The following THSD4 variants were observed in gnomAD, a reference collection of about 807,000 sequenced individuals.
THSD4 encodes thrombospondin type 1 domain containing 4, also known as thrombospondin type-1 domain-containing protein 4.
In THSD4, 69 loss-of-function variants were observed where a neutral mutation model predicts 119.0. The observed-to-expected ratio is 0.58, with a 90% CI of 0.48 to 0.71. The LOEUF is 0.71. Ranked by LOEUF, THSD4 falls within the 30% of genes least tolerant of loss-of-function variation. The pLI is 0.00. For missense variants in THSD4, 1,393 were observed against 1,391.1 expected (o/e 1.00, Z -0.02); for synonymous variants, 524 against 540.4 (o/e 0.97, Z 0.42).
chr15:71,577,720 T>TTTATG (rs2049478799), intron 7 of THSD4, among the ~76,000 whole-genome samples: 1 of 143,612 alleles, frequency 7.0e-6, no homozygotes, highest in Non-Finnish European at 1.5e-5. Flanking sequence ...TTTATTTTAT[T>TTTATG]TTATTTTATT....
chr15:71,575,466 G>C (rs926322966), intron 7 of THSD4, among the ~76,000 whole-genome samples: 2 of 152,140 alleles, frequency 1.3e-5, no homozygotes, highest in Admixed American at 1.3e-4. Flanking sequence ...AATACAGTAG[G>C]TGATAAATAA....
chr15:71,273,622 G>T (rs773104424), intron 6 of THSD4, among the ~76,000 whole-genome samples: 1 of 152,066 alleles, frequency 6.6e-6, no homozygotes, highest in Non-Finnish European at 1.5e-5. Flanking sequence ...ATGTATACAC[G>T]TATTGAAACC....
intron 7 of THSD4, among the ~76,000 whole-genome samples, chr15:71,485,589 T>G (rs1007225537): frequency 5.9e-5 from 9 of 151,966 alleles, no homozygotes; most frequent in Non-Finnish European, 1.3e-4. Flanking sequence ...GAAGGAGGCC[T>G]AAGGAAAATG....
chr15:71,692,924 T>C (rs2052084752), intron 8 of THSD4, among the ~76,000 whole-genome samples: 1 of 152,158 alleles, frequency 6.6e-6, no homozygotes, highest in Non-Finnish European at 1.5e-5. Context: ...TACAATTCCA[T>C]AAAACTTCCA....
At chr15:71,663,560 C>T (rs1235788869) in intron 8 of THSD4, among the ~76,000 whole-genome samples, 2 of 152,176 alleles carry the variant, frequency 1.3e-5, no homozygotes, top group Non-Finnish European at 2.9e-5. Flanking sequence ...TTGAAGTGTA[C>T]GTTGGTTACG....
intron 6 of THSD4, among the ~76,000 whole-genome samples, chr15:71,316,955 C>A (rs1232924745): frequency 6.6e-6 from 1 of 152,146 alleles, no homozygotes; most frequent in Non-Finnish European, 1.5e-5. Flanking sequence ...ATGGGAACTG[C>A]CTTTCAAGGT....
chr15:71,683,750 G>A (rs1392881444), intron 8 of THSD4, among the ~76,000 whole-genome samples: 3 of 152,158 alleles, frequency 2.0e-5, no homozygotes, highest in Non-Finnish European at 2.9e-5. Context: ...CGAGCCGAAC[G>A]GCCTACTTGA....
At chr15:71,290,234 T>C (rs2044772372) in intron 6 of THSD4, among the ~76,000 whole-genome samples, 2 of 152,176 alleles carry the variant, frequency 1.3e-5, no homozygotes, top group African/African-American at 4.8e-5. Flanking sequence ...GCACAGCAGG[T>C]CCTCTGTTCC....
At chr15:71,477,225 T>C (rs1166575908) in intron 7 of THSD4, among the ~76,000 whole-genome samples, 1 of 152,166 alleles carries the variant, frequency 6.6e-6, no homozygotes, top group African/African-American at 2.4e-5. Flanking sequence ...TGTGTGAGGG[T>C]GTGACGCCAC....
At position 71,730,186 on chromosome 15, in the gene THSD4, A is replaced by G. The variant is rs2052948051; in HGVS notation, c.1534-935A>G. On this transcript the variant is annotated intron_variant, in intron 9 of 17. Transcript: ENST00000261862. ...CTCTTCCTTCCCCAAGGAAGAAATCAAAAACTGCAGGGTGAAGGGGCTTGC... is the reference window on the plus strand; with the variant it reads ...CTCTTCCTTCCCCAAGGAAGAAATCGAAAACTGCAGGGTGAAGGGGCTTGC... 2.0e-5 allele frequency: 3 copies of G among 152,244 alleles called. No individual in the cohort carries two copies. In the South Asian group the frequency reaches 6.2e-4, roughly 32 times the overall value. 9.4% of individuals were successfully genotyped at this position (152,244 alleles called of 1,614,324 possible).
intron 6 of THSD4, among the ~76,000 whole-genome samples, chr15:71,271,281 T>C (rs1252720851): frequency 6.6e-6 from 1 of 152,196 alleles, no homozygotes; most frequent in Non-Finnish European, 1.5e-5. Flanking sequence ...AATGGAGTAT[T>C]ACTCAAAGTA....
At chr15:71,265,837 G>T (rs553266550) in intron 6 of THSD4, among the ~76,000 whole-genome samples, 2 of 152,128 alleles carry the variant, frequency 1.3e-5, no homozygotes, top group African/African-American at 2.4e-5. Flanking sequence ...AAACAAAGCC[G>T]CCAGGAAGTT....
At chr15:71,523,259 A>G (rs897180687) in intron 7 of THSD4, among the ~76,000 whole-genome samples, 1 of 152,090 alleles carries the variant, frequency 6.6e-6, no homozygotes, top group Non-Finnish European at 1.5e-5. Flanking sequence ...TCCAAGGGAG[A>G]CTCAATCCTG....
intron 3 of THSD4, among the ~76,000 whole-genome samples, chr15:71,201,456 C>T (rs549606514): frequency 6.6e-6 from 1 of 152,356 alleles, no homozygotes. Context: ...AAAGTTACCT[C>T]CCATCTCTCC....
chr15:71,368,121 T>G (rs1464092899), intron 6 of THSD4, among the ~76,000 whole-genome samples: 1 of 152,222 alleles, frequency 6.6e-6, no homozygotes, highest in Non-Finnish European at 1.5e-5. Context: ...GCCCACTTTT[T>G]GATGGGGTTG....
At chr15:71,501,559 A>G (rs910578372) in intron 7 of THSD4, among the ~76,000 whole-genome samples, 1 of 152,198 alleles carries the variant, frequency 6.6e-6, no homozygotes, top group African/African-American at 2.4e-5. Context: ...GGTAATGCCA[A>G]GGTCATTTGG....
At chr15:71,658,970 G>C (rs1407196343) in intron 7 of THSD4, among the ~76,000 whole-genome samples, 1 of 152,240 alleles carries the variant, frequency 6.6e-6, no homozygotes, top group Non-Finnish European at 1.5e-5. Context: ...GGCACCTTTT[G>C]ATTTGACTCT....
intron 7 of THSD4, among the ~76,000 whole-genome samples, chr15:71,640,721 T>G (rs2050841034): frequency 1.3e-5 from 2 of 152,200 alleles, no homozygotes; most frequent in African/African-American, 4.8e-5. Context: ...GATTTTGCCA[T>G]GAAGCGGTCT....
At chr15:71,362,586 T>G (rs955169116) in intron 6 of THSD4, among the ~76,000 whole-genome samples, 7 of 152,152 alleles carry the variant, frequency 4.6e-5, no homozygotes, top group African/African-American at 1.4e-4. Context: ...AATGTTAAAG[T>G]GAGTTAAGGT....
Sources: allele counts gnomAD v4.1 joint callset (sites outside exome capture counted in the v4.1 genomes callset), GRCh38; gene constraint gnomAD v4.1.1; transcripts MANE v1.5; gene names NCBI Gene and HGNC (gene_info 2026-07-23, HGNC 2026-07-21).